NCL: variants seen among roughly 807,000 people sequenced by gnomAD.
NCL encodes the protein nucleolin multifunctional protein.
Under a neutral mutation model 77.7 loss-of-function variants are expected in NCL, and 4 were observed. The observed-to-expected ratio is 0.05, with a 90% confidence interval of 0.03 to 0.12. The LOEUF is 0.12. NCL is among the 10% of genes least tolerant of loss of function. The pLI, the probability that NCL is intolerant of heterozygous loss-of-function variation, is 1.00. For synonymous variants in NCL, 344 were observed against 297.8 expected (o/e 1.16, Z -1.60); for missense variants, 763 against 860.9 (o/e 0.89, Z 1.42).
In NCL at chr2:231,464,339, C is replaced by T; in HGVS notation, c.15G>A (p.Ala5=). MVKL[A]KAGKNQGDPK... The stretch of plus-strand genomic sequence containing the variant: ...GCTCGCGCTCAAGGCCGTTTACCTT[C>T]GCGAGCTTCACCATGATGGCGGCGG... Residue 5 remains alanine (A), a synonymous_variant, in exon 1 of 14, where the codon GCG becomes GCA. Transcript: ENST00000322723. 1.3e-6 allele frequency: 2 copies of T among 1,598,696 alleles called. No homozygotes were observed. The highest frequency in any genetic ancestry group is 1.7e-6 in the Non-Finnish European group (2 of 1,172,518).
chr2:231,461,454 G>A (rs1377522226), intron 3 of NCL, 86 bp downstream of exon 3: 5 of 1,541,282 alleles, frequency 3.2e-6, no homozygotes, highest in South Asian at 1.2e-5. Context: ...CTCATCTCCA[G>A]GTTGTCGTGG....
intron 1 of NCL, chr2:231,463,556 A>G (rs2046971989): frequency 4.0e-6 from 2 of 495,224 alleles, no homozygotes; most frequent in South Asian, 5.2e-5. Flanking sequence ...TAAAAAGTCA[A>G]CCTGAGGAAA....
At chr2:231,462,130 C>T in intron 2 of NCL, 113 bp from the exon 3 acceptor site, 1 of 1,292,020 alleles carries the variant, frequency 7.7e-7, no homozygotes, top group Non-Finnish European at 1.1e-6. Flanking sequence ...AGACCACATG[C>T]ACTAGACACA....
chr2:231,459,192 T>C, intron 6 of NCL, 67 bp from the exon 7 acceptor site: 1 of 1,438,502 alleles, frequency 7.0e-7, no homozygotes, highest in Non-Finnish European at 9.2e-7. Flanking sequence ...ACAATATGTA[T>C]TCTAGACAAA....
intron 9 of NCL, 126 bp downstream of exon 9, chr2:231,457,517 G>T: frequency 1.0e-6 from 1 of 973,442 alleles, no homozygotes; most frequent in Non-Finnish European, 1.6e-6. Flanking sequence ...GGGGTATCAT[G>T]TCCTTGATCT....
At chr2:231,462,425 C>A in intron 2 of NCL, 1 of 402,584 alleles carries the variant, frequency 2.5e-6, no homozygotes, top group Non-Finnish European at 4.9e-6. Context: ...TCATTTGGGG[C>A]TCCTACAGTG....
Position 231,460,455 on chromosome 2 carries a change from T to C in NCL, c.898+23A>G, listed in dbSNP as rs761047960. ...TCATTTGTGCTGTTTATCTCCCCCA[T>C]ATCCCCTAATTCTGCAAGTTACCTT... On this transcript the variant is annotated intron_variant, in intron 5 of 13. Coordinates refer to ENST00000322723, the MANE Select transcript of NCL (RefSeq NM_005381.3). The C allele has an allele frequency of 4.2e-5, 68 of 1,606,670 alleles. 2 individuals carry two copies. The South Asian group carries it at 7.4e-4, about 17-fold the overall frequency.
At position 231,460,926 on chromosome 2, in the gene NCL, A is replaced by G. The variant is rs2046943305; in HGVS notation, c.614-60T>C. Reference sequence around the variant, plus strand: ...TCCCAAAACCAACATCGGTTTTCAAATCTAATGTAAAGAAAATGCAATCCT... The same window carrying G: ...TCCCAAAACCAACATCGGTTTTCAAGTCTAATGTAAAGAAAATGCAATCCT... On this transcript the variant is annotated intron_variant, in intron 3 of 13. Transcript: ENST00000322723. The G allele has an allele frequency of 3.0e-6, 4 of 1,316,896 alleles. No homozygotes were observed. In the Admixed American group the frequency reaches 5.1e-5, roughly 17 times the overall value. The allele number at this position is 1,316,896 out of a possible 1,614,324, so 81.6% of individuals were successfully genotyped here. A position where few individuals can be genotyped will look rare whatever the true frequency, so the allele number is the denominator to read the frequency against.
At chr2:231,455,813 T>G (rs1235604333) in intron 12 of NCL, 189 bp from the exon 13 acceptor site, 4 of 1,151,490 alleles carry the variant, frequency 3.5e-6, no homozygotes, top group Non-Finnish European at 5.2e-6. Context: ...TGTCTCACAA[T>G]ACAGCTAAAT....
In NCL at chr2:231,456,076, T is replaced by A. The variant is rs1226525789; in HGVS notation, c.1766A>T (p.Lys589Met). The change falls in exon 12 of 14, where the codon AAG becomes ATG. Residue 589 changes from lysine (K) to methionine (M), a missense_variant. Around this residue, in one of 2 missense-constraint regions of NCL, gnomAD observed 173 missense variants for 290.4 expected, o/e 0.60. Transcript: ENST00000322723. ...CCGAACGGAGCCGTCAAATGACTCC[T>A]TTAATGTCTCTTCAGTGGTATCCTC... ...LSEDTTEETL[K>M]ESFDGSVRAR... is the part of the protein sequence containing the mutation. 7 of 1,614,074 alleles carry A rather than the reference T, an allele frequency of 4.3e-6. No individual in the cohort carries two copies. Among genetic ancestry groups the A allele is most frequent in the Non-Finnish European group, 5.9e-6 (7 of 1,180,054 alleles).
chr2:231,457,871 C>T (rs747851459), intron 8 of NCL, 71 bp from the exon 9 acceptor site: 10 of 1,374,176 alleles, frequency 7.3e-6, no homozygotes, highest in African/African-American at 1.5e-5. Flanking sequence ...CTCAGCAACA[C>T]AGAACTTGCT....
At chr2:231,458,519 T>A (rs2046913585) in intron 7 of NCL, 130 bp from the exon 8 acceptor site, 1 of 1,190,636 alleles carries the variant, frequency 8.4e-7, no homozygotes, top group Non-Finnish European at 1.2e-6. Flanking sequence ...TGTACAAGGC[T>A]CGGTGCTAAA....
rs191746988 is a variant in NCL, at chr2:231,462,279, A to C, written c.136-262T>G. On this transcript the variant is annotated intron_variant, in intron 2 of 13. Coordinates refer to ENST00000322723, the MANE Select transcript of NCL (RefSeq NM_005381.3). ...CAGACCCTCTGAATTCTTACACCTCATACTTTCCCAAGCCCCAACTTTCTC... is the reference window on the plus strand; with the variant it reads ...CAGACCCTCTGAATTCTTACACCTCCTACTTTCCCAAGCCCCAACTTTCTC... Among the ~76,000 whole-genome samples the C allele has an allele frequency of 6.6e-5, 10 of 152,338 alleles. No homozygotes were observed. In the East Asian group the frequency reaches 1.9e-3, roughly 29 times the overall value.
Position 231,460,484 on chromosome 2 carries a change from C to T in NCL, c.892G>A (p.Val298Met). Residue 298 changes from valine (V) to methionine (M), a missense_variant, in exon 5 of 14, where the codon GTG (valine) becomes ATG (methionine). Coordinates refer to ENST00000322723, the MANE Select transcript of NCL (RefSeq NM_005381.3). ...KAAPEAKKQK[V>M]EGTEPTTAFN... ...CCCTAATTCTGCAAGTTACCTTCCACTTTCTGTTTCTTGGCTTCAGGAGCT... is the reference window on the plus strand; with the variant it reads ...CCCTAATTCTGCAAGTTACCTTCCATTTTCTGTTTCTTGGCTTCAGGAGCT... 6.2e-7 allele frequency: 1 copy of T among 1,614,116 alleles called. No homozygotes were observed.
intron 1 of NCL, 21 bp from the exon 2 acceptor site, chr2:231,463,337 T>C (rs761935982): frequency 6.3e-6 from 9 of 1,438,858 alleles, no homozygotes; most frequent in Non-Finnish European, 5.8e-6. Context: ...CACAAATAGA[T>C]CATTACACCT....
In NCL at chr2:231,458,943, TTTTCCCTAGCAGTCTAGC is replaced by T; in HGVS notation, c.1165+40_1165+57del. The T allele has an allele frequency of 2.1e-6, 3 of 1,438,396 alleles. No homozygotes were observed. The South Asian group carries it at 4.7e-5, about 23-fold the overall frequency. The allele number at this position is 1,438,396 out of a possible 1,614,324, so 89.1% of individuals were successfully genotyped here. A position where few individuals can be genotyped will look rare whatever the true frequency, so the allele number is the denominator to read the frequency against. The stretch of plus-strand genomic sequence containing the variant: ...ACCAAGGGAAATGGGTTACAAAGCA[TTTTCCCTAGCAGTCTAGC>T]TCCTGAGTTCATTGCATAATCTCAT... On this transcript the variant is annotated intron_variant, in intron 7 of 13. Transcript: ENST00000322723.
chr2:231,460,625 T>C, intron 4 of NCL, 44 bp downstream of exon 4: 1 of 1,614,130 alleles, frequency 6.2e-7, no homozygotes, highest in Non-Finnish European at 8.5e-7. Context: ...AAGTGCCTCC[T>C]TTAAACATAA....
rs202081674 is a variant in NCL at position 231,455,417 on chromosome 2, G to A, written c.2040C>T (p.Gly680=). The change falls in exon 13 of 14, where the codon GGC becomes GGT. Residue 680 remains glycine (G), a synonymous_variant. Transcript: ENST00000322723. ...GTGCCTTACCTCCAAAGCCTCCCCG[G>A]CCTCTGCCACCAAATCCTCCTCGGC... The part of the protein sequence containing the change: ...RGGRGGFGGR[G]RGGFGGRGGF... The A allele has an allele frequency of 8.1e-6, 13 of 1,613,924 alleles. No individual in the cohort carries two copies. In the East Asian group the frequency reaches 2.5e-4, roughly 30 times the overall value.
At chr2:231,458,151 A>T in intron 8 of NCL, 115 bp downstream of exon 8, 1 of 1,372,922 alleles carries the variant, frequency 7.3e-7, no homozygotes, top group Middle Eastern at 2.2e-4. Flanking sequence ...ACAAACTTAC[A>T]GGTTAAACTG....
Sources: allele counts gnomAD v4.1 joint callset (sites outside exome capture counted in the v4.1 genomes callset), GRCh38; gene constraint gnomAD v4.1.1; regional missense constraint gnomAD v4.1.1; transcripts MANE v1.5; gene names NCBI Gene and HGNC (gene_info 2026-07-23, HGNC 2026-07-21).